The following MXI1 variants were observed in gnomAD, a reference collection of about 807,000 sequenced individuals.
MXI1 encodes the protein max-interacting protein 1.
A neutral mutation model predicts 36.9 loss-of-function variants in MXI1; 18 were observed. The ratio of observed to expected loss-of-function variants is 0.49; its 90% CI spans 0.34 to 0.72. The LOEUF is 0.72. Among genes scored for constraint, MXI1 ranks in the 30% least tolerant of loss-of-function variants. MXI1 has a pLI of 0.01. For synonymous variants in MXI1, 160 were observed against 146.7 expected (o/e 1.09, Z -0.65); for missense variants, 304 against 379.1 (o/e 0.80, Z 1.64).
At chr10:110,213,498 A>G (rs1484521556) in intron 1 of MXI1, among the ~76,000 whole-genome samples, 1 of 152,158 alleles carries the variant, frequency 6.6e-6, no homozygotes, top group Admixed American at 6.5e-5. Context: ...TGTTCCCCAG[A>G]TTCAACTTAT....
intron 3 of MXI1, among the ~76,000 whole-genome samples, chr10:110,252,464 G>C (rs1345442232): frequency 6.6e-6 from 1 of 152,002 alleles, no homozygotes. Flanking sequence ...TGCACTTGCT[G>C]TTCCTTCTGC....
intron 3 of MXI1, among the ~76,000 whole-genome samples, chr10:110,264,554 C>T (rs919575388): frequency 4.6e-5 from 7 of 151,708 alleles, no homozygotes; most frequent in Admixed American, 2.0e-4. Context: ...TTCATAGAGA[C>T]GGGGTTTCAC....
Position 110,228,202 on chromosome 10 carries a change from C to T in MXI1, c.288C>T (p.Gly96=), listed in dbSNP as rs61745504. The change falls in exon 2 of 6, where the codon GGC becomes GGT. Residue 96 remains glycine (G), a synonymous_variant. Transcript: ENST00000332674. ...IEKENKKCEH[G]YASSFPSMPS... is the part of the protein sequence containing the mutation. ...TGCTTTCTTCAGAGTGTGAACATGG[C>T]TACGCCTCTTCATTCCCGTCCATGC... 0.065 allele frequency: 104,942 copies of T among 1,613,846 alleles called. 4,226 individuals are homozygous for T. The highest frequency in any genetic ancestry group is 0.16 in the Middle Eastern group (946 of 6,062).
intron 2 of MXI1, among the ~76,000 whole-genome samples, chr10:110,243,724 T>TA (rs1855755323): frequency 6.6e-6 from 1 of 152,156 alleles, no homozygotes; most frequent in African/African-American, 2.4e-5. Context: ...TAGCTAACTT[T>TA]AGAGTTCATT....
chr10:110,284,799 TTC>T (rs1491237930), intron 5 of MXI1, 23 bp from the exon 6 acceptor site: 12 of 1,579,706 alleles, frequency 7.6e-6, no homozygotes, highest in South Asian at 1.2e-5. Flanking sequence ...ATTAATGTTC[TTC>T]TTTTTTTTTT....
chr10:110,283,108 A>G (rs1428405319), intron 5 of MXI1, among the ~76,000 whole-genome samples: 1 of 152,198 alleles, frequency 6.6e-6, no homozygotes, highest in African/African-American at 2.4e-5. Context: ...CAATTCGGAT[A>G]TAGAGCCAAT....
chr10:110,211,387 G>C (rs1010767377), intron 1 of MXI1, among the ~76,000 whole-genome samples: 3 of 152,082 alleles, frequency 2.0e-5, no homozygotes, highest in Middle Eastern at 3.2e-3. Context: ...AAATCTCTGG[G>C]AGCTGTAGTG....
intron 4 of MXI1, among the ~76,000 whole-genome samples, 190 bp downstream of exon 4, chr10:110,279,484 T>G (rs1318133880): frequency 2.0e-5 from 3 of 152,252 alleles, no homozygotes; most frequent in Non-Finnish European, 4.4e-5. Flanking sequence ...TAAATTGTTT[T>G]GACAGCGTGG....
At chr10:110,274,012 C>T (rs1165084414) in intron 3 of MXI1, among the ~76,000 whole-genome samples, 3 of 152,316 alleles carry the variant, frequency 2.0e-5, no homozygotes, top group South Asian at 2.1e-4. Flanking sequence ...CAACAGTGTG[C>T]GCTTCCTATT....
At chr10:110,257,862 CAAA>C (rs1856372705) in intron 3 of MXI1, 4 of 299,868 alleles carry the variant, frequency 1.3e-5, no homozygotes, top group Admixed American at 1.1e-4. Flanking sequence ...GTTTAAAAAA[CAAA>C]CAAACAAACA....
chr10:110,263,231 C>T (rs534908336), intron 3 of MXI1, among the ~76,000 whole-genome samples: 11 of 151,988 alleles, frequency 7.2e-5, no homozygotes, highest in Non-Finnish European at 1.5e-4. Flanking sequence ...CCTGCCATGT[C>T]GAGATAGAAA....
chr10:110,215,682 A>G (rs965932161), intron 1 of MXI1, among the ~76,000 whole-genome samples: 2 of 152,236 alleles, frequency 1.3e-5, no homozygotes, highest in Non-Finnish European at 2.9e-5. Flanking sequence ...TAGTCTTTCA[A>G]AATGAAGCTA....
chr10:110,250,145 G>C (rs942503740), intron 3 of MXI1, among the ~76,000 whole-genome samples: 2 of 152,136 alleles, frequency 1.3e-5, no homozygotes, highest in African/African-American at 2.4e-5. Flanking sequence ...GAGAAATTCA[G>C]ATTTTTTTCT....
intron 1 of MXI1, among the ~76,000 whole-genome samples, chr10:110,216,665 G>GTTTTGTTTTTTTTTTTTTTTTTTTT (rs1854644399): frequency 1.3e-5 from 1 of 79,060 alleles, no homozygotes; most frequent in South Asian, 5.0e-4. Flanking sequence ...TGTGTTTAAT[G>GTTTTGTTTTTTTTTTTTTTTTTTTT]TTTTTTTTTT....
intron 1 of MXI1, among the ~76,000 whole-genome samples, chr10:110,218,723 G>A (rs953586976): frequency 3.9e-5 from 6 of 152,116 alleles, no homozygotes; most frequent in Non-Finnish European, 7.4e-5. Flanking sequence ...GTCTCCTGTG[G>A]TTCTGCATAC....
chr10:110,230,365 C>T (rs181985821), intron 2 of MXI1, among the ~76,000 whole-genome samples: 8 of 152,122 alleles, frequency 5.3e-5, no homozygotes, highest in Non-Finnish European at 4.4e-5. Context: ...TTTAGCATAG[C>T]ATGTCGGAAA....
Position 110,250,088 on chromosome 10 carries a change from G to C in MXI1, c.437+5231G>C, listed in dbSNP as rs769991608. On this transcript the variant is annotated intron_variant, in intron 3 of 5. Transcript: ENST00000332674. ...TGGTTGTGATCCACAATTACCCCAGGATTCCCATAGCCCATTAGGGAGCTC... is the reference window on the plus strand; with the variant it reads ...TGGTTGTGATCCACAATTACCCCAGCATTCCCATAGCCCATTAGGGAGCTC... Among the ~76,000 whole-genome samples, 14 of 152,244 alleles carry C rather than the reference G, an allele frequency of 9.2e-5. No homozygotes were observed. In the South Asian group the frequency reaches 1.2e-3, roughly 14 times the overall value.
chr10:110,269,285 A>G (rs923011777), intron 3 of MXI1, among the ~76,000 whole-genome samples: 2 of 152,234 alleles, frequency 1.3e-5, no homozygotes, highest in Admixed American at 6.5e-5. Flanking sequence ...TGTTCCATTT[A>G]ATAAAATGTC....
intron 2 of MXI1, among the ~76,000 whole-genome samples, chr10:110,231,872 C>G (rs1464350795): frequency 3.3e-5 from 5 of 152,184 alleles, no homozygotes; most frequent in African/African-American, 1.2e-4. Flanking sequence ...TTCAGTCGGC[C>G]TTCTTTCCTG....
Sources: allele counts gnomAD v4.1 joint callset (sites outside exome capture counted in the v4.1 genomes callset), GRCh38; gene constraint gnomAD v4.1.1; transcripts MANE v1.5; gene names NCBI Gene and HGNC (gene_info 2026-07-23, HGNC 2026-07-21).